PBX1: variants seen among roughly 807,000 people sequenced by gnomAD.
PBX1 encodes PBX homeobox 1.
A neutral mutation model predicts 53.4 loss-of-function variants in PBX1; 6 were observed. The ratio of observed to expected loss-of-function variants is 0.11; its 90% CI spans 0.06 to 0.22. The LOEUF (loss-of-function observed/expected upper bound fraction) is 0.22. Ranked by LOEUF, PBX1 falls within the 10% of genes least tolerant of loss-of-function variation. PBX1 has a pLI of 1.00. For synonymous variants in PBX1, 204 were observed against 212.3 expected (o/e 0.96, Z 0.34); for missense variants, 251 against 551.4 (o/e 0.46, Z 5.46).
At chr1:164,835,392 ATGTAT>A (rs1002266687) in intron 8 of PBX1, among the ~76,000 whole-genome samples, 21 of 152,192 alleles carry the variant, frequency 1.4e-4, no homozygotes, top group African/African-American at 5.1e-4. Flanking sequence ...AGTCTTTGTG[ATGTAT>A]TGTAAACTTT....
intron 2 of PBX1, among the ~76,000 whole-genome samples, chr1:164,741,776 T>G (rs1665625751): frequency 1.3e-5 from 1 of 75,530 alleles, no homozygotes; most frequent in Non-Finnish European, 3.1e-5. Context: ...GTGTGTGTGT[T>G]GCTTGATTTA....
intron 2 of PBX1, among the ~76,000 whole-genome samples, chr1:164,621,136 G>A (rs1376567220): frequency 8.5e-5 from 13 of 152,088 alleles, no homozygotes; most frequent in Non-Finnish European, 1.9e-4. Context: ...CTACAGGCGC[G>A]TGACACCATG....
chr1:164,723,602 G>A (rs1337532076), intron 2 of PBX1, among the ~76,000 whole-genome samples: 2 of 152,194 alleles, frequency 1.3e-5, no homozygotes, highest in African/African-American at 4.8e-5. Context: ...GAGAAGGGGC[G>A]TGGACTTGTC....
chr1:164,883,716 G>A (rs1672713328), intron 2 of PBX1, among the ~76,000 whole-genome samples: 1 of 152,100 alleles, frequency 6.6e-6, no homozygotes, highest in South Asian at 2.1e-4. Context: ...GGGAGCACCG[G>A]CACCTTCCCC....
At chr1:164,620,526 C>A (rs1657598531) in intron 2 of PBX1, among the ~76,000 whole-genome samples, 2 of 151,956 alleles carry the variant, frequency 1.3e-5, no homozygotes, top group South Asian at 4.2e-4. Context: ...ACCTCACCAC[C>A]CTGTGACATG....
At chr1:164,784,776 A>G (rs1022589476) in intron 2 of PBX1, among the ~76,000 whole-genome samples, 6 of 152,206 alleles carry the variant, frequency 3.9e-5, no homozygotes, top group African/African-American at 9.7e-5. Flanking sequence ...CTGGGCTGAA[A>G]CATTTGAGGG....
Position 164,559,965 on chromosome 1 carries a change from A to G in PBX1, c.143A>G (p.Gln48Arg). Residue 48 changes from glutamine (Q) to arginine (R), a missense_variant, in exon 1 of 9, where the codon CAG becomes CGG. Around this residue, in one of 4 missense-constraint regions of PBX1, gnomAD observed 63 missense variants for 78.7 expected, o/e 0.80. Transcript: ENST00000420696. ...AAGCAGGACATTGGAGACATTTTACAGCAAATTATGACCATCACAGACCAG... is the reference window on the plus strand; with the variant it reads ...AAGCAGGACATTGGAGACATTTTACGGCAAATTATGACCATCACAGACCAG... ...GRKQDIGDIL[Q>R]QIMTITDQSL... 1.3e-6 allele frequency: 2 copies of G among 1,536,948 alleles called. No individual in the cohort carries two copies. The highest frequency in any genetic ancestry group is 1.8e-6 in the Non-Finnish European group (2 of 1,138,998).
At chr1:164,795,137 T>C (rs1302861933) in intron 3 of PBX1, among the ~76,000 whole-genome samples, 2 of 152,160 alleles carry the variant, frequency 1.3e-5, no homozygotes, top group Admixed American at 1.3e-4. Flanking sequence ...GGACAGGTAT[T>C]GTCATCCTCT....
intron 3 of PBX1, among the ~76,000 whole-genome samples, chr1:164,798,374 T>C (rs1668892379): frequency 6.6e-6 from 1 of 152,266 alleles, no homozygotes; most frequent in African/African-American, 2.4e-5. Flanking sequence ...GCCTTTTTTG[T>C]TGTGAATCTA....
chr1:164,608,557 A>G (rs1055345537), intron 2 of PBX1, among the ~76,000 whole-genome samples: 2 of 152,230 alleles, frequency 1.3e-5, no homozygotes, highest in African/African-American at 4.8e-5. Context: ...AGCAAGAGAG[A>G]TAGGCCATAT....
In PBX1 at chr1:164,821,607, A is replaced by G. The variant is rs756581427; in HGVS notation, c.1181A>G (p.Tyr394Cys). The G allele has an allele frequency of 1.2e-6, 2 of 1,613,874 alleles. No homozygotes were observed. Among genetic ancestry groups the G allele is most frequent in the Admixed American group, 1.7e-5 (1 of 60,024 alleles). The change falls in exon 8 of 9, where the codon TAC becomes TGC. Residue 394 changes from tyrosine (Y) to cysteine (C), a missense_variant. This residue lies in a region of PBX1 where 92 missense variants were observed against 130.4 expected (regional missense o/e 0.71). Transcript: ENST00000420696. The stretch of plus-strand genomic sequence containing the variant: ...GATGGACTCGCAGCCAGTCAGATGT[A>G]CAGTCCGCAGGGCATCAGTGTAAGA... Reference protein sequence around the residue: ...YSDGLAASQMYSPQGISANGG... With the variant: ...YSDGLAASQMCSPQGISANGG...
chr1:164,582,613 G>A (rs1208749495), intron 2 of PBX1, among the ~76,000 whole-genome samples: 3 of 151,866 alleles, frequency 2.0e-5, no homozygotes, highest in African/African-American at 7.3e-5. Flanking sequence ...AGTAGAGATG[G>A]GGTTTCATCA....
Position 164,861,205 on chromosome 1 carries a change from G to T in PBX1, n.257+29722G>T, listed in dbSNP as rs1361844. Among the ~76,000 whole-genome samples the T allele has an allele frequency of 4.7e-3, 717 of 152,252 alleles. 37 individuals carry two copies. In the East Asian group the frequency reaches 0.12, roughly 26 times the overall value. ...AAAGGGAGATCTCAGGATCTCGGTA[G>T]TTAGAAGTCAAAAAAGGGGCACTGA... On this transcript the variant is annotated intron_variant and non_coding_transcript_variant, in intron 2 of 2. Transcript: ENST00000558796.
chr1:164,781,162 A>G (rs888620975), intron 2 of PBX1, among the ~76,000 whole-genome samples: 11 of 152,102 alleles, frequency 7.2e-5, no homozygotes, highest in African/African-American at 2.7e-4. Flanking sequence ...TTGTGAGATG[A>G]CTGTCTGGGG....
intron 2 of PBX1, among the ~76,000 whole-genome samples, chr1:164,781,002 T>A (rs977147565): frequency 6.6e-6 from 1 of 152,190 alleles, no homozygotes; most frequent in Non-Finnish European, 1.5e-5. Flanking sequence ...TGCAGCCTGT[T>A]TGCCTGTGTG....
At chr1:164,650,896 CT>C (rs1298767435) in intron 2 of PBX1, among the ~76,000 whole-genome samples, 1 of 151,878 alleles carries the variant, frequency 6.6e-6, no homozygotes, top group African/African-American at 2.4e-5. Flanking sequence ...TCTTTTCCTC[CT>C]TGCAGCATTC....
intron 2 of PBX1, among the ~76,000 whole-genome samples, chr1:164,653,707 T>C (rs1413334085): frequency 6.6e-6 from 1 of 151,934 alleles, no homozygotes; most frequent in African/African-American, 2.4e-5. Flanking sequence ...GAAGCGGAGG[T>C]TGCGGTGAGC....
intron 2 of PBX1, among the ~76,000 whole-genome samples, chr1:164,699,646 C>T (rs981548641): frequency 1.3e-5 from 2 of 152,000 alleles, no homozygotes; most frequent in African/African-American, 4.8e-5. Flanking sequence ...ATGGAGAGGA[C>T]GGAGGGGAAA....
At position 164,875,988 on chromosome 1, in the gene PBX1, G is replaced by GTATGTATATATATATATATATATATA. The variant is rs1553256088; in HGVS notation, n.258-23197_258-23196insGTATATATATATATATATATATATAT. ...ATACCTATATATATTTGGTGTATGT[G>GTATGTATATATATATATATATATATA]TATATATATATATATATACACACAT... is the stretch of plus-strand genomic sequence containing the variant. On this transcript the variant is annotated intron_variant and non_coding_transcript_variant, in intron 2 of 2. Transcript: ENST00000558796. Among the ~76,000 whole-genome samples, 80 of 56,898 alleles carry GTATGTATATATATATATATATATATA rather than the reference G, an allele frequency of 1.4e-3. 2 individuals are homozygous for GTATGTATATATATATATATATATATA. The highest frequency in any genetic ancestry group is 8.8e-3 in the South Asian group (10 of 1,132). 37.3% of individuals were successfully genotyped at this position (56,898 alleles called of 152,430 possible).
Sources: allele counts gnomAD v4.1 joint callset (sites outside exome capture counted in the v4.1 genomes callset), GRCh38; gene constraint gnomAD v4.1.1; regional missense constraint gnomAD v4.1.1; transcripts MANE v1.5; gene names NCBI Gene and HGNC (gene_info 2026-07-23, HGNC 2026-07-21).